The following CD109 variants were observed in gnomAD, a reference collection of about 807,000 sequenced individuals.
CD109 encodes CD109 antigen.
CD109 carries 149 observed loss-of-function variants against 165.8 expected under a neutral mutation model. The ratio of observed to expected loss-of-function variants is 0.90; its 90% CI spans 0.79 to 1.03. The LOEUF is 1.03. CD109 is among the 50% of genes least tolerant of loss of function. CD109 has a pLI of 0.00. For synonymous variants in CD109, 585 were observed against 592.1 expected, an observed-to-expected ratio of 0.99 and a Z score of 0.18; for missense variants, 1,712 against 1,677.8, an observed-to-expected ratio of 1.02 and a Z score of -0.36.
At chr6:73,689,432 A>G in the CD109 span, among the ~76,000 whole-genome samples, 1 of 152,238 alleles carries the variant, frequency 6.6e-6, no homozygotes, top group Non-Finnish European at 1.5e-5. Context: ...AGTCTGCTGT[A>G]GAATCTGCCA....
intron 4 of CD109, among the ~76,000 whole-genome samples, 185 bp from the exon 5 acceptor site, chr6:73,736,198 A>G (rs1459091854): frequency 6.6e-6 from 1 of 151,670 alleles, no homozygotes; most frequent in Non-Finnish European, 1.5e-5. Context: ...TGTTAGGTTA[A>G]TATATCTCTA....
At chr6:73,778,351 T>A (rs530313933) in intron 15 of CD109, among the ~76,000 whole-genome samples, 2 of 152,352 alleles carry the variant, frequency 1.3e-5, no homozygotes, top group East Asian at 3.9e-4. Context: ...AGGGATAGTT[T>A]GACTTCCTCT....
rs1218913123 is a variant in CD109 at position 73,791,132 on chromosome 6, CATACATATATATATAT to C, written c.2702-1490_2702-1475del. Among the ~76,000 whole-genome samples the C allele has an allele frequency of 6.4e-4, 30 of 46,812 alleles. 1 individual carries two copies. The highest frequency in any genetic ancestry group is 3.5e-3 in the African/African-American group (29 of 8,360). 30.7% of individuals were successfully genotyped at this position (46,812 alleles called of 152,430 possible). A position where few individuals can be genotyped will look rare whatever the true frequency, so the allele number is the denominator to read the frequency against. Reference sequence around the variant, plus strand: ...TTATTTGGAGGCATATATATACATACATACATATATATATATATATATATATATATATATATATATA... The same window carrying C: ...TTATTTGGAGGCATATATATACATACATATATATATATATATATATATATA... On this transcript the variant is annotated intron_variant, in intron 22 of 32. Transcript: ENST00000287097.
At chr6:73,713,202 G>T (rs1025343285) in intron 2 of CD109, among the ~76,000 whole-genome samples, 3 of 152,056 alleles carry the variant, frequency 2.0e-5, no homozygotes, top group African/African-American at 7.3e-5. Context: ...ATTCCAAGCT[G>T]TATTTGTAAA....
rs113651477 is a variant in CD109 at position 73,826,448 on chromosome 6, C to G, written c.*2815C>G. ...TATCTTACCTCTCTTTCTGACTGGC[C>G]GATGCTTCCAGAGACTGAATGTTGG... is the stretch of plus-strand genomic sequence containing the variant. On this transcript the variant is annotated 3_prime_UTR_variant, in exon 33 of 33. Transcript: ENST00000287097. 6.6e-6 allele frequency: 1 copy of G among 152,076 alleles called. No homozygotes were observed. The highest frequency in any genetic ancestry group is 2.4e-5 in the African/African-American group (1 of 41,408). The allele number at this position is 152,076 out of a possible 1,614,324, so 9.4% of individuals were successfully genotyped here.
chr6:73,810,267 A>T (rs1209427685), intron 27 of CD109, 93 bp downstream of exon 27: 13 of 328,874 alleles, frequency 4.0e-5, no homozygotes, highest in Non-Finnish European at 5.8e-5. Context: ...AGTATATATT[A>T]TATAAATCAT....
intron 5 of CD109, among the ~76,000 whole-genome samples, chr6:73,744,093 G>A (rs58848063): frequency 0.02 from 3,010 of 152,316 alleles, 101 homozygotes; most frequent in African/African-American, 0.068. Flanking sequence ...TAAAAGTTAA[G>A]TAGCATCAGG....
chr6:73,765,874 T>G (rs1340565607), intron 10 of CD109, 56 bp from the exon 11 acceptor site: 11 of 1,216,746 alleles, frequency 9.0e-6, no homozygotes, highest in Non-Finnish European at 1.3e-5. Context: ...ACGGAAACTG[T>G]ATTTAATCGT....
At chr6:73,706,066 A>G (rs1413508913) in intron 2 of CD109, among the ~76,000 whole-genome samples, 2 of 152,186 alleles carry the variant, frequency 1.3e-5, no homozygotes, top group African/African-American at 4.8e-5. Context: ...AAACCCTCAT[A>G]CTTTCTTCTT....
At chr6:73,783,419 T>TA (rs1186109509) in intron 18 of CD109, among the ~76,000 whole-genome samples, 1 of 152,182 alleles carries the variant, frequency 6.6e-6, no homozygotes, top group African/African-American at 2.4e-5. Context: ...TTATTATCTA[T>TA]AAAAAATTTG....
chr6:73,691,097 C>T (rs1023296296), upstream of CD109, among the ~76,000 whole-genome samples: 1 of 152,184 alleles, frequency 6.6e-6, no homozygotes, highest in Non-Finnish European at 1.5e-5. Context: ...CTGCTCTTCT[C>T]CCCGGCCACC....
intron 14 of CD109, 44 bp downstream of exon 14, chr6:73,768,275 G>GT: frequency 8.5e-7 from 1 of 1,176,366 alleles, no homozygotes; most frequent in Non-Finnish European, 1.2e-6. Context: ...CTTTATATTA[G>GT]TGAAGTCTGA....
the CD109 span, among the ~76,000 whole-genome samples, chr6:73,687,197 T>C: frequency 6.6e-6 from 1 of 152,174 alleles, no homozygotes. Context: ...CCCTCATATC[T>C]ACTATTTGGT....
intron 32 of CD109, among the ~76,000 whole-genome samples, chr6:73,822,515 G>A (rs899589443): frequency 1.3e-5 from 2 of 152,184 alleles, no homozygotes; most frequent in South Asian, 2.1e-4. Flanking sequence ...GGAAACACTG[G>A]TGTGGCACTT....
At chr6:73,773,176 T>C (rs1032404458) in intron 15 of CD109, among the ~76,000 whole-genome samples, 14 of 150,714 alleles carry the variant, frequency 9.3e-5, no homozygotes, top group Non-Finnish European at 5.9e-5. Context: ...TCTATTTACA[T>C]TTATATATGT....
At chr6:73,783,261 A>G (rs1295563949) in intron 18 of CD109, among the ~76,000 whole-genome samples, 2 of 152,250 alleles carry the variant, frequency 1.3e-5, no homozygotes, top group Admixed American at 6.5e-5. Context: ...TGAAATCCAC[A>G]TAGTATTTTA....
At chr6:73,770,342 C>T (rs1021547054) in intron 14 of CD109, among the ~76,000 whole-genome samples, 4 of 152,198 alleles carry the variant, frequency 2.6e-5, no homozygotes, top group Admixed American at 6.5e-5. Context: ...AGGAAGAAGC[C>T]TGTCTTTGTA....
chr6:73,691,185 T>G (rs1241273808), upstream of CD109, among the ~76,000 whole-genome samples: 1 of 152,154 alleles, frequency 6.6e-6, no homozygotes, highest in Non-Finnish European at 1.5e-5. Flanking sequence ...AAGGCAAAAG[T>G]GCATGGCTAG....
At chr6:73,799,858 A>ATTTTT (rs567805191) in intron 23 of CD109, among the ~76,000 whole-genome samples, 1 of 142,498 alleles carries the variant, frequency 7.0e-6, no homozygotes, top group Non-Finnish European at 1.5e-5. Context: ...TCCCCCCGCA[A>ATTTTT]TTTTTTTTTT....
Sources: allele counts gnomAD v4.1 joint callset (sites outside exome capture counted in the v4.1 genomes callset), GRCh38; gene constraint gnomAD v4.1.1; transcripts MANE v1.5; gene names NCBI Gene and HGNC (gene_info 2026-07-23, HGNC 2026-07-21).